The following TYW1B variants were observed in gnomAD, a reference collection of about 807,000 sequenced individuals.
The protein encoded by TYW1B is S-adenosyl-L-methionine-dependent tRNA 4-demethylwyosine synthase TYW1B.
In TYW1B, 73 loss-of-function variants were observed where a neutral mutation model predicts 86.9. That is an observed-to-expected ratio of 0.84 (90% confidence interval 0.70 to 1.02). The LOEUF (loss-of-function observed/expected upper bound fraction) is 1.02, where lower values mean the gene tolerates loss of function less well. Ranked by LOEUF, TYW1B falls within the 50% of genes least tolerant of loss-of-function variation. The probability of loss-of-function intolerance (pLI) is 0.00; values close to 1 mark genes in which losing one functional copy is unlikely to be tolerated. For missense variants in TYW1B, 637 were observed against 827.4 expected, an observed-to-expected ratio of 0.77 and a Z score of 2.82; for synonymous variants, 248 against 292.8, an observed-to-expected ratio of 0.85 and a Z score of 1.56.
chr7:72,697,253 G>C (rs3015934), intron 10 of TYW1B, among the ~76,000 whole-genome samples: 120,886 of 151,926 alleles, frequency 0.8, 48,621 homozygotes, highest in Middle Eastern at 0.87. Context: ...AAATAGGAAG[G>C]CCTGGACACT....
At chr7:72,689,986 G>A (rs560078789) in intron 11 of TYW1B, among the ~76,000 whole-genome samples, 2 of 152,224 alleles carry the variant, frequency 1.3e-5, no homozygotes, top group Non-Finnish European at 2.9e-5. Context: ...TAAGCCCTTC[G>A]TAACAATGGA....
intron 8 of TYW1B, among the ~76,000 whole-genome samples, chr7:72,730,948 C>G (rs1787094801): frequency 7.3e-6 from 1 of 137,156 alleles, no homozygotes; most frequent in South Asian, 2.3e-4. Context: ...AAAAAAAAAG[C>G]CTCCTTGAGA....
At chr7:72,703,007 TATATATATATA>T (rs1814513705) in intron 10 of TYW1B, among the ~76,000 whole-genome samples, 1 of 28,114 alleles carries the variant, frequency 3.6e-5, no homozygotes, top group African/African-American at 1.1e-4. Context: ...TATATATATA[TATATATATATA>T]TATATATATT....
intron 9 of TYW1B, among the ~76,000 whole-genome samples, chr7:72,719,512 T>TC (rs1321284986): frequency 1.3e-5 from 2 of 150,602 alleles, no homozygotes; most frequent in Non-Finnish European, 1.5e-5. Context: ...GTGCCTGTAA[T>TC]CCTAGCTATT....
At chr7:72,593,934 G>A (rs1811466614) in intron 13 of TYW1B, among the ~76,000 whole-genome samples, 1 of 144,964 alleles carries the variant, frequency 6.9e-6, no homozygotes, top group Non-Finnish European at 1.5e-5. Flanking sequence ...GATCACAGAA[G>A]AAATCACAAG....
intron 9 of TYW1B, among the ~76,000 whole-genome samples, chr7:72,714,780 A>G (rs2844063): frequency 6.6e-6 from 1 of 152,182 alleles, no homozygotes; most frequent in African/African-American, 2.4e-5. Flanking sequence ...AGCTGGGCGT[A>G]GTGGCGGATG....
At chr7:72,643,543 C>T (rs1203836607) in intron 11 of TYW1B, among the ~76,000 whole-genome samples, 1 of 150,818 alleles carries the variant, frequency 6.6e-6, no homozygotes. Context: ...GCCAAGATCG[C>T]AACACTGCAC....
intron 12 of TYW1B, among the ~76,000 whole-genome samples, chr7:72,623,362 G>A (rs1554438294): frequency 6.6e-6 from 1 of 152,024 alleles, no homozygotes; most frequent in African/African-American, 2.4e-5. Context: ...CATCTTGGGG[G>A]CATTTATATG....
intron 6 of TYW1B, among the ~76,000 whole-genome samples, chr7:72,795,095 C>A (rs1302269298): frequency 1.3e-5 from 2 of 152,016 alleles, no homozygotes; most frequent in African/African-American, 4.8e-5. Context: ...GCTGGGATTA[C>A]ATGTGCAATT....
intron 10 of TYW1B, among the ~76,000 whole-genome samples, chr7:72,701,593 C>T (rs13237766): frequency 2.6e-5 from 4 of 152,104 alleles, no homozygotes; most frequent in South Asian, 2.1e-4. Flanking sequence ...GTGGCAACTC[C>T]GGAAATCAGA....
At chr7:72,692,222 A>T (rs1465092131) in intron 11 of TYW1B, among the ~76,000 whole-genome samples, 1 of 151,400 alleles carries the variant, frequency 6.6e-6, no homozygotes, top group Admixed American at 6.6e-5. Context: ...AAAAAAAAAA[A>T]AAAAAAGAAG....
intron 13 of TYW1B, among the ~76,000 whole-genome samples, chr7:72,598,613 T>G (rs1381316893): frequency 6.6e-6 from 1 of 152,152 alleles, no homozygotes; most frequent in Admixed American, 6.5e-5. Context: ...AAAAATTCAT[T>G]TTGTCCAGTA....
Position 72,714,192 on chromosome 7 carries a change from A to G in TYW1B, c.1193-394T>C, listed in dbSNP as rs182170778. Among the ~76,000 whole-genome samples, 568 of 152,256 alleles carry G rather than the reference A, an allele frequency of 3.7e-3. 4 individuals are homozygous for G. Among genetic ancestry groups the G allele is most frequent in the Non-Finnish European group, 5.3e-3 (361 of 68,024 alleles). ...ATTCCTCAAGTATCCTGAACTGGGA[A>G]AGTAAATGTAGTTGGTCCAAAGCTG... On this transcript the variant is annotated intron_variant, in intron 9 of 13. Transcript: ENST00000620995.
chr7:72,817,115 A>G (rs1232323671), intron 2 of TYW1B, among the ~76,000 whole-genome samples: 5 of 152,118 alleles, frequency 3.3e-5, no homozygotes, highest in African/African-American at 1.2e-4. Context: ...TAGAAAAAGG[A>G]CAGGTTGGCC....
At chr7:72,609,631 G>GA (rs1811888062) in intron 13 of TYW1B, among the ~76,000 whole-genome samples, 2 of 152,122 alleles carry the variant, frequency 1.3e-5, no homozygotes, top group Admixed American at 1.3e-4. Context: ...ACAGGTATTT[G>GA]ATGATTTGGA....
In TYW1B at chr7:72,800,433, A is replaced by G. The variant is rs1788384965; in HGVS notation, c.846+1967T>C. ...AGCCTGGTCCCAAACTTCTGGCCTC[A>G]AGAAATCCTCCCATCACGTCAGCCT... On this transcript the variant is annotated intron_variant, in intron 6 of 13. Transcript: ENST00000620995. Among the ~76,000 whole-genome samples, 4 of 152,120 alleles carry G rather than the reference A, an allele frequency of 2.6e-5. No homozygotes were observed. In the East Asian group the frequency reaches 7.7e-4, roughly 29 times the overall value.
chr7:72,814,784 G>T (rs1788690186), intron 3 of TYW1B, among the ~76,000 whole-genome samples: 1 of 151,260 alleles, frequency 6.6e-6, no homozygotes, highest in African/African-American at 2.4e-5. Flanking sequence ...AATAGTAGGG[G>T]TCAGGCACAG....
At chr7:72,740,733 C>T (rs1442552048) in intron 8 of TYW1B, among the ~76,000 whole-genome samples, 25 of 137,368 alleles carry the variant, frequency 1.8e-4, no homozygotes, top group South Asian at 4.6e-4. Flanking sequence ...ATGCAGTTTT[C>T]TTTTTTTTTT....
chr7:72,638,216 G>T (rs1812718225), intron 11 of TYW1B, among the ~76,000 whole-genome samples: 1 of 151,298 alleles, frequency 6.6e-6, no homozygotes, highest in Non-Finnish European at 1.5e-5. Flanking sequence ...CAGACATCTT[G>T]GTTATCAAAC....
Sources: allele counts gnomAD v4.1 joint callset (sites outside exome capture counted in the v4.1 genomes callset), GRCh38; gene constraint gnomAD v4.1.1; transcripts MANE v1.5; gene names NCBI Gene and HGNC (gene_info 2026-07-23, HGNC 2026-07-21).